The following FAM174B variants were observed in gnomAD, a reference collection of about 807,000 sequenced individuals.
FAM174B encodes membrane protein FAM174B.
A neutral mutation model predicts 10.9 loss-of-function variants in FAM174B; 12 were observed. That is an observed-to-expected ratio of 1.10 (90% CI 0.71 to 1.79). FAM174B has a LOEUF of 1.79. FAM174B is among the 40% of genes most tolerant of loss of function. FAM174B has a pLI of 0.00. For synonymous variants in FAM174B, 132 were observed against 115.8 expected (o/e 1.14, Z -0.90); for missense variants, 266 against 233.3 (o/e 1.14, Z -0.91).
rs79924895 is a variant in FAM174B, at chr15:92,643,999, A to G, written c.344+11317T>C. Among the ~76,000 whole-genome samples the G allele has an allele frequency of 4.6e-3, 696 of 152,304 alleles. 3 individuals are homozygous for G. The highest frequency in any genetic ancestry group is 0.016 in the African/African-American group (671 of 41,546). ...GACCCTGAGCCAAGCGGTCCCTCCA[A>G]TGCTCTGAGGACACAGACCTGTTTC... is the stretch of plus-strand genomic sequence containing the variant. On this transcript the variant is annotated intron_variant, in intron 1 of 2. Coordinates refer to ENST00000327355, the MANE Select transcript of FAM174B (RefSeq NM_207446.3).
intron 2 of FAM174B, among the ~76,000 whole-genome samples, chr15:92,622,383 C>T (rs2050725658): frequency 6.6e-6 from 1 of 152,230 alleles, no homozygotes; most frequent in African/African-American, 2.4e-5. Context: ...TGGGTCTCTC[C>T]AGGAGGTGGT....
At position 92,630,270 on chromosome 15, in the gene FAM174B, T is replaced by C; in HGVS notation, c.420A>G (p.Pro140=). 2 of 1,613,906 alleles carry C rather than the reference T, an allele frequency of 1.2e-6. No individual in the cohort carries two copies. Among genetic ancestry groups the C allele is most frequent in the Non-Finnish European group, 1.7e-6 (2 of 1,179,814 alleles). Residue 140 remains proline (P), a synonymous_variant, in exon 2 of 3, where the codon CCA becomes CCG. Coordinates refer to ENST00000327355, the MANE Select transcript of FAM174B (RefSeq NM_207446.3). Reference sequence around the variant, plus strand: ...CATCTTCATCATCCTCTTCATTTAGTGGCGCCATTTCCACTCGCTCTGCTG... The same window carrying C: ...CATCTTCATCATCCTCTTCATTTAGCGGCGCCATTTCCACTCGCTCTGCTG... ...TTPAERVEMA[P]LNEEDDEDED... is the part of the protein sequence containing the mutation.
chr15:92,617,670 G>A lies in FAM174B; in HGVS notation c.*1786C>T. 1 of 681,314 alleles carries A rather than the reference G, an allele frequency of 1.5e-6. No individual in the cohort carries two copies. Among genetic ancestry groups the A allele is most frequent in the Non-Finnish European group, 2.6e-6 (1 of 377,376 alleles). 42.2% of individuals were successfully genotyped at this position (681,314 alleles called of 1,614,324 possible). On this transcript the variant is annotated 3_prime_UTR_variant, in exon 3 of 3. Transcript: ENST00000327355. Reference sequence around the variant, plus strand: ...GTGAGCCAGCAGTTCCAGTTCAAAGGTTGAGGGGGCGAACAGCTGCGAGGT... The same window carrying A: ...GTGAGCCAGCAGTTCCAGTTCAAAGATTGAGGGGGCGAACAGCTGCGAGGT...
intron 1 of FAM174B, among the ~76,000 whole-genome samples, chr15:92,650,103 T>G (rs992962959): frequency 2.0e-5 from 3 of 152,162 alleles, no homozygotes; most frequent in African/African-American, 7.2e-5. Flanking sequence ...ACAAAAAAAT[T>G]TTTAAATGGT....
chr15:92,634,922 G>GTT (rs145675983), intron 1 of FAM174B, among the ~76,000 whole-genome samples: 1 of 152,116 alleles, frequency 6.6e-6, no homozygotes, highest in Non-Finnish European at 1.5e-5. Flanking sequence ...TGGGACATCA[G>GTT]TTTTTTTCCT....
chr15:92,619,231 C>A lies in FAM174B; in HGVS notation c.*225G>T, dbSNP rs1005070196. On this transcript the variant is annotated 3_prime_UTR_variant, in exon 3 of 3. Transcript: ENST00000327355. ...AGTAGGGGGCACTTTAAAGGGATGCCCAAAGGGTGGCAGAAGCAACTCCAT... is the reference window on the plus strand; with the variant it reads ...AGTAGGGGGCACTTTAAAGGGATGCACAAAGGGTGGCAGAAGCAACTCCAT... The A allele has an allele frequency of 6.5e-5, 46 of 706,146 alleles. No individual in the cohort carries two copies. The Admixed American group carries it at 6.8e-4, about 10-fold the overall frequency. The allele number at this position is 706,146 out of a possible 1,614,324, so 43.7% of individuals were successfully genotyped here. A position where few individuals can be genotyped will look rare whatever the true frequency, so the allele number is the denominator to read the frequency against.
rs1345694868 is a variant in FAM174B, at chr15:92,618,455, G to A, written c.*1001C>T. The stretch of plus-strand genomic sequence containing the variant: ...CGGCAGGGACCTCCTGGGTCCTGTG[G>A]GGTCTCCTGGGTCCAGGTGGGTTCC... On this transcript the variant is annotated 3_prime_UTR_variant, in exon 3 of 3. Coordinates refer to ENST00000327355, the MANE Select transcript of FAM174B (RefSeq NM_207446.3). 1 of 152,406 alleles carries A rather than the reference G, an allele frequency of 6.6e-6. No homozygotes were observed. Among genetic ancestry groups the A allele is most frequent in the Non-Finnish European group, 1.5e-5 (1 of 68,180 alleles). The allele number at this position is 152,406 out of a possible 1,614,324, so 9.4% of individuals were successfully genotyped here. A position where few individuals can be genotyped will look rare whatever the true frequency, so the allele number is the denominator to read the frequency against.
intron 1 of FAM174B, among the ~76,000 whole-genome samples, chr15:92,654,360 C>T (rs1431459247): frequency 6.6e-6 from 1 of 152,214 alleles, no homozygotes; most frequent in Non-Finnish European, 1.5e-5. Flanking sequence ...AGCTGACACA[C>T]ACACCCAGAC....
In FAM174B at chr15:92,655,410, G is replaced by C. The variant is rs370065247; in HGVS notation, c.250C>G (p.Leu84Val). Residue 84 changes from leucine to valine, a missense_variant, in exon 1 of 3, where the codon CTC becomes GTC. Transcript: ENST00000327355. Reference sequence around the variant, plus strand: ...TTGAGGGTGGGTAGGTCGCGGAGGAGGATGGAAATGCGGGTCACCAAGGCG... The same window carrying C: ...TTGAGGGTGGGTAGGTCGCGGAGGACGATGGAAATGCGGGTCACCAAGGCG... ...GDALVTRISI[L>V]LRDLPTLKAA... 4.4e-6 allele frequency: 7 copies of C among 1,600,806 alleles called. No homozygotes were observed. The Admixed American group carries it at 5.1e-5, about 12-fold the overall frequency.
intron 2 of FAM174B, among the ~76,000 whole-genome samples, chr15:92,626,636 A>G (rs889565709): frequency 1.3e-5 from 2 of 152,012 alleles, no homozygotes; most frequent in Non-Finnish European, 2.9e-5. Context: ...TTTACGGCCG[A>G]TGGTCTGGAG....
intron 1 of FAM174B, among the ~76,000 whole-genome samples, chr15:92,652,353 T>C (rs996542412): frequency 1.3e-5 from 2 of 152,032 alleles, no homozygotes; most frequent in African/African-American, 4.8e-5. Flanking sequence ...GCAGTCTTAG[T>C]GACAGAGGGG....
At chr15:92,621,525 C>A (rs949697263) in intron 2 of FAM174B, among the ~76,000 whole-genome samples, 2 of 151,318 alleles carry the variant, frequency 1.3e-5, no homozygotes, top group Non-Finnish European at 2.9e-5. Context: ...GTGAGATGAT[C>A]ACTTGAGCCT....
At chr15:92,626,227 T>A (rs1054854325) in intron 2 of FAM174B, among the ~76,000 whole-genome samples, 1 of 148,714 alleles carries the variant, frequency 6.7e-6, no homozygotes, top group Non-Finnish European at 1.5e-5. Context: ...GCCTCCCAAG[T>A]AGCTGGGACT....
intron 1 of FAM174B, among the ~76,000 whole-genome samples, chr15:92,646,840 C>T (rs1345503737): frequency 3.9e-5 from 6 of 152,162 alleles, no homozygotes; most frequent in Non-Finnish European, 8.8e-5. Flanking sequence ...GAAGTTATCC[C>T]CCCTTCCACT....
At chr15:92,632,471 T>C (rs1339424871) in intron 1 of FAM174B, among the ~76,000 whole-genome samples, 1 of 152,168 alleles carries the variant, frequency 6.6e-6, no homozygotes, top group African/African-American at 2.4e-5. Context: ...GAGCTGAGAT[T>C]GCGCCACTGC....
intron 1 of FAM174B, among the ~76,000 whole-genome samples, chr15:92,638,950 G>A (rs1447269491): frequency 3.3e-5 from 5 of 152,176 alleles, no homozygotes; most frequent in East Asian, 1.9e-4. Flanking sequence ...ACTGTGAGGC[G>A]ACAACCCTGA....
At chr15:92,651,194 C>T (rs190866494) in intron 1 of FAM174B, among the ~76,000 whole-genome samples, 136 of 152,162 alleles carry the variant, frequency 8.9e-4, no homozygotes, top group African/African-American at 3.1e-3. Context: ...ATCTGAGAAC[C>T]CTCAGGCTCT....
intron 1 of FAM174B, among the ~76,000 whole-genome samples, chr15:92,647,830 T>A (rs1262570692): frequency 6.6e-6 from 1 of 152,134 alleles, no homozygotes; most frequent in Non-Finnish European, 1.5e-5. Context: ...CTTTGGTGGA[T>A]CTAGGAGAGA....
chr15:92,629,520 C>T (rs190217234), intron 2 of FAM174B, among the ~76,000 whole-genome samples: 2 of 152,308 alleles, frequency 1.3e-5, no homozygotes, highest in Admixed American at 1.3e-4. Flanking sequence ...GTTTGGGTGC[C>T]TGGTGTGTGG....
Sources: gnomAD v4.1 joint callset for allele counts (sites outside exome capture counted in the v4.1 genomes callset) on GRCh38, gnomAD v4.1.1 for gene constraint, MANE v1.5 for transcripts, NCBI Gene and HGNC (gene_info 2026-07-23, HGNC 2026-07-21) for gene names.